INPP5B: variants seen among roughly 807,000 people sequenced by gnomAD.
The protein encoded by INPP5B is type II inositol 1,4,5-trisphosphate 5-phosphatase.
A neutral mutation model predicts 118.5 loss-of-function variants in INPP5B; 90 were observed. The ratio of observed to expected loss-of-function variants is 0.76; its 90% confidence interval spans 0.64 to 0.90. The LOEUF is 0.90. Ranked by LOEUF, INPP5B falls within the 40% of genes least tolerant of loss-of-function variation. INPP5B has a pLI of 0.00. For missense variants in INPP5B, 984 were observed against 1,125.6 expected (o/e 0.87, Z 1.80); for synonymous variants, 385 against 418.9 (o/e 0.92, Z 0.99).
chr1:37,941,937 C>CAAAAAAAAA (rs1212694634), intron 5 of INPP5B: 3 of 12,912 alleles, frequency 2.3e-4, no homozygotes, highest in Non-Finnish European at 3.6e-4. Flanking sequence ...GACTCCGTCT[C>CAAAAAAAAA]AAAAAAAAAA....
At chr1:37,939,451 G>GT (rs372636025) in intron 6 of INPP5B, among the ~76,000 whole-genome samples, 76,095 of 142,082 alleles carry the variant, frequency 0.54, 23,795 homozygotes, top group Non-Finnish European at 0.71. Flanking sequence ...TTTTGTTTTT[G>GT]TTTTTTTTTT....
At chr1:37,863,686 C>T (rs993721790) in intron 23 of INPP5B, among the ~76,000 whole-genome samples, 1 of 151,626 alleles carries the variant, frequency 6.6e-6, no homozygotes, top group Admixed American at 6.6e-5. Context: ...GAGACTTTCT[C>T]AAGCACACAC....
chr1:37,888,335 C>A lies in INPP5B; in HGVS notation c.807G>T (p.Ala269=). Residue 269 remains alanine, a synonymous_variant, in exon 10 of 24, where the codon GCG becomes GCT. Coordinates refer to ENST00000373024, the MANE Select transcript of INPP5B (RefSeq NM_005540.3). ...ACTGCCCATTTACATTGTATGTTCCCGCAAAAAACCTGTCACCAAAGAGAA... is the reference window on the plus strand; with the variant it reads ...ACTGCCCATTTACATTGTATGTTCCAGCAAAAAACCTGTCACCAAAGAGAA... ...YTYIQNFRFF[A]GTYNVNGQSP... The A allele has an allele frequency of 3.3e-6, 5 of 1,530,866 alleles. No individual in the cohort carries two copies. The South Asian group carries it at 5.0e-5, about 15-fold the overall frequency. The allele number at this position is 1,530,866 out of a possible 1,614,324, so 94.8% of individuals were successfully genotyped here. A position where few individuals can be genotyped will look rare whatever the true frequency, so the allele number is the denominator to read the frequency against.
chr1:37,932,678 T>C (rs1375187124), intron 6 of INPP5B, among the ~76,000 whole-genome samples: 1 of 152,152 alleles, frequency 6.6e-6, no homozygotes, highest in African/African-American at 2.4e-5. Context: ...ATTATCCCCA[T>C]TTTATATACA....
intron 10 of INPP5B, 105 bp from the exon 11 acceptor site, chr1:37,887,570 C>A (rs1643614219): frequency 4.7e-6 from 3 of 639,222 alleles, no homozygotes; most frequent in Non-Finnish European, 8.4e-6. Context: ...AGCTAAACTT[C>A]AGGACCCTCA....
At chr1:37,914,572 G>A (rs1644805771) in intron 7 of INPP5B, among the ~76,000 whole-genome samples, 1 of 152,062 alleles carries the variant, frequency 6.6e-6, no homozygotes, top group Admixed American at 6.6e-5. Flanking sequence ...CTCCACCCCT[G>A]ATCCTGGGTA....
At chr1:37,894,382 GT>G (rs1031143948) in intron 7 of INPP5B, among the ~76,000 whole-genome samples, 12 of 152,062 alleles carry the variant, frequency 7.9e-5, no homozygotes, top group Non-Finnish European at 2.9e-5. Flanking sequence ...TACTGTAGGT[GT>G]TTTTTCTTCC....
chr1:37,881,016 T>C (rs933571548), intron 14 of INPP5B, among the ~76,000 whole-genome samples: 1 of 152,234 alleles, frequency 6.6e-6, no homozygotes, highest in Admixed American at 6.5e-5. Context: ...AGCCATTGTG[T>C]CTGGCTAAGG....
chr1:37,907,079 C>T lies in INPP5B; in HGVS notation c.533-15625G>A, dbSNP rs1644527542. On this transcript the variant is annotated intron_variant, in intron 7 of 23. Transcript: ENST00000373024. The surrounding 1 kb of genome is among the most constrained non-coding windows in gnomAD (Gnocchi z 4.3). ...CTGGGCATATATTGGAATCAGCTAG[C>T]AATCCCATATCAGCTTGGTTCCAAC... Among the ~76,000 whole-genome samples, 1 of 152,148 alleles carries T rather than the reference C, an allele frequency of 6.6e-6. No individual in the cohort carries two copies. The highest frequency in any genetic ancestry group is 2.1e-4 in the South Asian group (1 of 4,828).
chr1:37,862,827 A>C (rs1268649066), intron 23 of INPP5B, among the ~76,000 whole-genome samples: 1 of 152,070 alleles, frequency 6.6e-6, no homozygotes, highest in Non-Finnish European at 1.5e-5. Context: ...CAGGAGTTCA[A>C]GACCAGCTAG....
intron 13 of INPP5B, 154 bp from the exon 14 acceptor site, chr1:37,883,072 C>G (rs1474021654): frequency 2.0e-6 from 2 of 985,254 alleles, no homozygotes; most frequent in Admixed American, 6.2e-5. Flanking sequence ...CTCTCGCCAT[C>G]CCATTTAATA....
rs1643720298 is a variant in INPP5B at position 37,889,542 on chromosome 1, A to G, written c.797+15T>C. On this transcript the variant is annotated intron_variant, in intron 9 of 23. Coordinates refer to ENST00000373024, the MANE Select transcript of INPP5B (RefSeq NM_005540.3). ...TCATTCTGCTCTGAAAACATCCTAG[A>G]ACCCAGTTAGCTACCTGAAGTTCTG... is the stretch of plus-strand genomic sequence containing the variant. 1 of 1,605,722 alleles carries G rather than the reference A, an allele frequency of 6.2e-7. No individual in the cohort carries two copies. The highest frequency in any genetic ancestry group is 8.5e-7 in the Non-Finnish European group (1 of 1,175,288).
chr1:37,939,903 G>C (rs985154624), intron 6 of INPP5B, among the ~76,000 whole-genome samples: 2 of 152,048 alleles, frequency 1.3e-5, no homozygotes, highest in East Asian at 3.9e-4. Flanking sequence ...ACTAAGCCTA[G>C]CTGTTTCTTC....
intron 7 of INPP5B, 186 bp downstream of exon 7, chr1:37,931,727 C>T (rs1221585029): frequency 6.4e-7 from 1 of 1,569,172 alleles, no homozygotes; most frequent in Non-Finnish European, 8.6e-7. Flanking sequence ...CTGCCTGCTT[C>T]CTCAAGCTCC....
intron 5 of INPP5B, among the ~76,000 whole-genome samples, chr1:37,941,193 G>C (rs1645895156): frequency 6.6e-6 from 1 of 152,122 alleles, no homozygotes; most frequent in Non-Finnish European, 1.5e-5. Context: ...TAGGCACAGG[G>C]AATACCATGG....
In INPP5B at chr1:37,868,563, T is replaced by C. The variant is rs756321392; in HGVS notation, c.2239A>G (p.Met747Val). 2 of 1,613,956 alleles carry C rather than the reference T, an allele frequency of 1.2e-6. No individual in the cohort carries two copies. The highest frequency in any genetic ancestry group is 1.1e-5 in the South Asian group (1 of 91,082). The change falls in exon 20 of 24, where the codon ATG becomes GTG. Residue 747 changes from methionine to valine, a missense_variant. Transcript: ENST00000373024. Reference protein sequence around the residue: ...GDDGSQLDSPMEIPKELWMMV... With the variant: ...GDDGSQLDSPVEIPKELWMMV... Reference sequence around the variant, plus strand: ...ATCCAGAGCTCTTTGGGGATTTCCATGGGGCTATCCAACTGGCTCCCATCA... The same window carrying C: ...ATCCAGAGCTCTTTGGGGATTTCCACGGGGCTATCCAACTGGCTCCCATCA...
rs1570412996 is a variant in INPP5B at position 37,940,949 on chromosome 1, A to G, written c.281-151T>C. 5.1e-6 allele frequency: 3 copies of G among 585,586 alleles called. No homozygotes were observed. In the East Asian group the frequency reaches 8.9e-5, roughly 17 times the overall value. The allele number at this position is 585,586 out of a possible 1,614,324, so 36.3% of individuals were successfully genotyped here. The stretch of plus-strand genomic sequence containing the variant: ...ACTTGGGACAGCTGCTGGGACAACA[A>G]GGAAACCCTCTGTACCCTGAGTTCC... On this transcript the variant is annotated intron_variant, in intron 5 of 23. Transcript: ENST00000373024.
chr1:37,925,953 T>C (rs528486856), intron 7 of INPP5B, among the ~76,000 whole-genome samples: 6 of 152,322 alleles, frequency 3.9e-5, no homozygotes, highest in Admixed American at 6.5e-5. Flanking sequence ...CCCACAACGG[T>C]GGAAATGATG....
At position 37,945,845 on chromosome 1, in the gene INPP5B, C is replaced by A; in HGVS notation, c.63G>T (p.Val21=). ...TGTCCCCCTCACACAGCACACCTTG[C>A]ACCGCCTGCGGCTCAGAGTCAAGGG... is the stretch of plus-strand genomic sequence containing the variant. The part of the protein sequence containing the change: ...LAEGEYCVIA[V]QGVLCEGDSR... The change falls in exon 3 of 24, where the codon GTG becomes GTT. Residue 21 remains valine (V), a synonymous_variant. Coordinates refer to ENST00000373024, the MANE Select transcript of INPP5B (RefSeq NM_005540.3). 1 of 1,613,876 alleles carries A rather than the reference C, an allele frequency of 6.2e-7. No individual in the cohort carries two copies. The highest frequency in any genetic ancestry group is 8.5e-7 in the Non-Finnish European group (1 of 1,179,936).
Sources: allele counts gnomAD v4.1 joint callset (sites outside exome capture counted in the v4.1 genomes callset), GRCh38; gene constraint gnomAD v4.1.1; non-coding constraint Gnocchi (gnomAD v3.1); transcripts MANE v1.5; gene names NCBI Gene and HGNC (gene_info 2026-07-23, HGNC 2026-07-21).